LHFPL3: variants seen among roughly 807,000 people sequenced by gnomAD.
The protein encoded by LHFPL3 is LHFPL tetraspan subfamily member 3 protein.
A neutral mutation model predicts 19.3 loss-of-function variants in LHFPL3; 5 were observed. That is an observed-to-expected ratio of 0.26 (90% confidence interval 0.14 to 0.54). The LOEUF is 0.54. Ranked by LOEUF, LHFPL3 falls within the 20% of genes least tolerant of loss-of-function variation. The pLI, the probability that LHFPL3 is intolerant of heterozygous loss-of-function variation, is 0.94. For synonymous variants in LHFPL3, 133 were observed against 126.2 expected (o/e 1.05, Z -0.36); for missense variants, 249 against 307.4 (o/e 0.81, Z 1.42).
intron 2 of LHFPL3, among the ~76,000 whole-genome samples, chr7:104,863,840 C>G (rs977738643): frequency 1.3e-5 from 2 of 152,234 alleles, no homozygotes; most frequent in Non-Finnish European, 2.9e-5. Flanking sequence ...CTGTGAGAAT[C>G]AGGCACTGAA....
chr7:104,341,127 C>T (rs958590560), intron 1 of LHFPL3, among the ~76,000 whole-genome samples: 1 of 152,046 alleles, frequency 6.6e-6, no homozygotes. Context: ...CTCTGCTATT[C>T]GAAATTTAAC....
intron 1 of LHFPL3, among the ~76,000 whole-genome samples, chr7:104,654,685 G>T (rs1000074452): frequency 6.6e-6 from 1 of 152,118 alleles, no homozygotes; most frequent in Non-Finnish European, 1.5e-5. Context: ...TACTTGTAAG[G>T]TCATGGTGTC....
chr7:104,392,314 C>T (rs1270853087), intron 1 of LHFPL3, among the ~76,000 whole-genome samples: 1 of 151,888 alleles, frequency 6.6e-6, no homozygotes, highest in Non-Finnish European at 1.5e-5. Context: ...ATGATATTGG[C>T]TGTGGGTTTG....
intron 1 of LHFPL3, among the ~76,000 whole-genome samples, chr7:104,341,681 T>C (rs1789956236): frequency 6.6e-6 from 1 of 152,134 alleles, no homozygotes; most frequent in African/African-American, 2.4e-5. Flanking sequence ...GATAGGGAAA[T>C]GGGTCAGGAT....
intron 1 of LHFPL3, among the ~76,000 whole-genome samples, chr7:104,472,480 A>G (rs1008643542): frequency 6.6e-6 from 1 of 152,170 alleles, no homozygotes; most frequent in African/African-American, 2.4e-5. Context: ...AAAACATCAC[A>G]TTTCTACCAC....
chr7:104,566,955 T>C (rs922616048), intron 1 of LHFPL3, among the ~76,000 whole-genome samples: 2 of 152,254 alleles, frequency 1.3e-5, no homozygotes, highest in African/African-American at 4.8e-5. Context: ...CTCTTCTTAA[T>C]GTATTTGTGG....
chr7:104,328,657 TG>T lies in LHFPL3; in HGVS notation c.-120del. On this transcript the variant is annotated 5_prime_UTR_variant, in exon 1 of 3. An upstream open reading frame in the 5' UTR loses its in-frame stop. Transcript: ENST00000424859. The surrounding 1 kb of genome is among the most constrained non-coding windows in gnomAD (Gnocchi z 4.6). The stretch of plus-strand genomic sequence containing the variant: ...ATGCAGACTCTGAAACTGGTGCTGC[TG>T]GGCTGAGGCGGAGGCAGGGGAGTTG... The T allele has an allele frequency of 1.2e-6, 1 of 827,592 alleles. No homozygotes were observed. The highest frequency in any genetic ancestry group is 1.9e-6 in the Non-Finnish European group (1 of 523,792). The allele number at this position is 827,592 out of a possible 1,614,324, so 51.3% of individuals were successfully genotyped here. A position where few individuals can be genotyped will look rare whatever the true frequency, so the allele number is the denominator to read the frequency against.
At chr7:104,837,468 A>G (rs976947895) in intron 2 of LHFPL3, among the ~76,000 whole-genome samples, 1 of 152,198 alleles carries the variant, frequency 6.6e-6, no homozygotes, top group Admixed American at 6.5e-5. Flanking sequence ...ATTGTACTAA[A>G]TCTTCCCTGT....
intron 1 of LHFPL3, among the ~76,000 whole-genome samples, chr7:104,503,071 A>G (rs1192167014): frequency 1.3e-5 from 2 of 152,014 alleles, no homozygotes; most frequent in East Asian, 3.8e-4. Flanking sequence ...ACGCTTGCAA[A>G]TATTTAATTA....
intron 1 of LHFPL3, among the ~76,000 whole-genome samples, chr7:104,584,688 G>T (rs1300062169): frequency 6.6e-6 from 1 of 152,038 alleles, no homozygotes; most frequent in African/African-American, 2.4e-5. Context: ...ATCTTGAATA[G>T]TTAGAACGAA....
At chr7:104,401,020 T>A (rs1000356918) in intron 1 of LHFPL3, among the ~76,000 whole-genome samples, 1 of 152,218 alleles carries the variant, frequency 6.6e-6, no homozygotes, top group Non-Finnish European at 1.5e-5. Flanking sequence ...TAGTATAATT[T>A]TCTTGTTTGT....
chr7:104,444,490 C>A (rs1215625515), intron 1 of LHFPL3, among the ~76,000 whole-genome samples: 1 of 152,138 alleles, frequency 6.6e-6, no homozygotes, highest in African/African-American at 2.4e-5. Flanking sequence ...TAAAAACTCT[C>A]CATTGAAAGA....
At chr7:104,329,866 A>G (rs1047019400) in intron 1 of LHFPL3, among the ~76,000 whole-genome samples, 7 of 152,222 alleles carry the variant, frequency 4.6e-5, no homozygotes, top group African/African-American at 1.7e-4. Flanking sequence ...CTCAATGTCA[A>G]GTCTTCAGTT....
At chr7:104,622,819 A>C (rs1157868816) in intron 1 of LHFPL3, among the ~76,000 whole-genome samples, 1 of 152,214 alleles carries the variant, frequency 6.6e-6, no homozygotes, top group Non-Finnish European at 1.5e-5. Context: ...TTGTGGGTAT[A>C]TACCTAGGAG....
chr7:104,591,384 G>A (rs925916536), intron 1 of LHFPL3, among the ~76,000 whole-genome samples: 1 of 152,122 alleles, frequency 6.6e-6, no homozygotes, highest in Non-Finnish European at 1.5e-5. Flanking sequence ...AGCTTAGTTT[G>A]GCTGGATATG....
Position 104,497,460 on chromosome 7 carries a change from A to G in LHFPL3, c.445+168236A>G, listed in dbSNP as rs184565365. 3.3e-5 allele frequency among the ~76,000 whole-genome samples: 5 copies of G among 152,204 alleles called. No individual in the cohort carries two copies. The East Asian group carries it at 7.7e-4, about 24-fold the overall frequency. Reference sequence around the variant, plus strand: ...TATATGCAGTAAAGGTAGAACAACAATAAAGCCAACTGGAATCCACATGAG... The same window carrying G: ...TATATGCAGTAAAGGTAGAACAACAGTAAAGCCAACTGGAATCCACATGAG... On this transcript the variant is annotated intron_variant, in intron 1 of 2. Transcript: ENST00000424859.
chr7:104,490,172 T>G (rs1007252880), intron 1 of LHFPL3, among the ~76,000 whole-genome samples: 1 of 152,170 alleles, frequency 6.6e-6, no homozygotes, highest in South Asian at 2.1e-4. Flanking sequence ...TTCCTAATAG[T>G]CCAGAGTTTT....
chr7:104,647,032 A>G (rs1584459268), intron 1 of LHFPL3, among the ~76,000 whole-genome samples: 1 of 152,210 alleles, frequency 6.6e-6, no homozygotes, highest in Non-Finnish European at 1.5e-5. Context: ...ATGCCCAGTG[A>G]AAGATGTCAG....
Position 104,852,006 on chromosome 7 carries a change from C to A in LHFPL3, c.683-54181C>A, listed in dbSNP as rs546321694. Among the ~76,000 whole-genome samples the A allele has an allele frequency of 4.2e-4, 64 of 152,092 alleles. 1 individual carries two copies. Among genetic ancestry groups the A allele is most frequent in the Non-Finnish European group, 7.1e-4 (48 of 68,002 alleles). On this transcript the variant is annotated intron_variant, in intron 2 of 2. Coordinates refer to ENST00000424859, the MANE Select transcript of LHFPL3 (RefSeq NM_199000.3). ...CATTTACCCACATTCCTTTTCCCAC[C>A]TTTTCCATGCTTCTGTTACTTCCAC...
Sources: allele counts gnomAD v4.1 joint callset (sites outside exome capture counted in the v4.1 genomes callset), GRCh38; gene constraint gnomAD v4.1.1; non-coding constraint Gnocchi (gnomAD v3.1); transcripts MANE v1.5; gene names NCBI Gene and HGNC (gene_info 2026-07-23, HGNC 2026-07-21).